OTOGL: variants seen among roughly 807,000 people sequenced by gnomAD.
OTOGL encodes otogelin like.
Under a neutral mutation model 318.5 loss-of-function variants are expected in OTOGL, and 285 were observed. That is an observed-to-expected ratio of 0.89 (90% CI 0.81 to 0.99). The LOEUF (loss-of-function observed/expected upper bound fraction) is 0.99. Ranked by LOEUF, OTOGL falls within the 50% of genes least tolerant of loss-of-function variation. The probability of loss-of-function intolerance (pLI) is 0.00; values close to 1 mark genes in which losing one functional copy is unlikely to be tolerated. For synonymous variants in OTOGL, 987 were observed against 936.5 expected (o/e 1.05, Z -0.99); for missense variants, 2,899 against 2,845.6 (o/e 1.02, Z -0.43).
At chr12:80,152,731 A>G (rs1172171728) in intron 1 of OTOGL, among the ~76,000 whole-genome samples, 1 of 152,112 alleles carries the variant, frequency 6.6e-6, no homozygotes, top group African/African-American at 2.4e-5. Context: ...CTTTGTCACC[A>G]AGGCTGGAGT....
chr12:80,126,863 C>A (rs1223293085), intron 1 of OTOGL, among the ~76,000 whole-genome samples: 1 of 152,110 alleles, frequency 6.6e-6, no homozygotes, highest in African/African-American at 2.4e-5. Flanking sequence ...AGGATTGCAA[C>A]CCCTGCCTTT....
chr12:80,356,964 A>AG (rs1205560108), intron 49 of OTOGL, 50 bp downstream of exon 49: 3 of 1,217,240 alleles, frequency 2.5e-6, no homozygotes, highest in Non-Finnish European at 2.2e-6. Context: ...GATCTAGGAA[A>AG]AAAATCTCTT....
chr12:80,327,504 C>G (rs577856790), intron 35 of OTOGL, among the ~76,000 whole-genome samples: 43 of 152,248 alleles, frequency 2.8e-4, no homozygotes, highest in African/African-American at 9.6e-4. Context: ...CAACCATGAT[C>G]ATCCCTTCCA....
chr12:80,349,792 A>G (rs1196454332), intron 44 of OTOGL, among the ~76,000 whole-genome samples: 3 of 152,206 alleles, frequency 2.0e-5, no homozygotes, highest in Non-Finnish European at 4.4e-5. Flanking sequence ...CTTCAAAAAT[A>G]TTTAATTTTA....
At chr12:80,122,959 C>G (rs1478024624) in intron 1 of OTOGL, among the ~76,000 whole-genome samples, 1 of 151,338 alleles carries the variant, frequency 6.6e-6, no homozygotes, top group Non-Finnish European at 1.5e-5. Flanking sequence ...AGAGCCTGAA[C>G]CAGGCTCCAG....
rs141325272 is a variant in OTOGL at position 80,191,287 on chromosome 12, A to G, written c.-19-18126A>G. ...ACCCCGTCTCTACTAAAAACACAAA[A>G]ATTAGCCAGGCGCGGGGGTGGGCAG... On this transcript the variant is annotated intron_variant, in intron 1 of 58. Coordinates refer to ENST00000547103, the MANE Select transcript of OTOGL (RefSeq NM_001378609.3). Among the ~76,000 whole-genome samples, 836 of 152,172 alleles carry G rather than the reference A, an allele frequency of 5.5e-3. 10 individuals carry two copies. Among genetic ancestry groups the G allele is most frequent in the African/African-American group, 0.019 (794 of 41,516 alleles).
chr12:80,135,260 C>CTCCCT, intron 1 of OTOGL, among the ~76,000 whole-genome samples: 1 of 112,222 alleles, frequency 8.9e-6, no homozygotes, highest in South Asian at 3.6e-4. Flanking sequence ...CTCCCCTCCC[C>CTCCCT]TCCCCTCCCC....
intron 1 of OTOGL, among the ~76,000 whole-genome samples, chr12:80,195,051 C>T (rs1592535134): frequency 1.3e-5 from 2 of 152,288 alleles, no homozygotes; most frequent in Middle Eastern, 6.8e-3. Context: ...ACCCTCCCTC[C>T]CTCTCTCCCT....
At chr12:80,310,916 C>T (rs1886596004) in intron 30 of OTOGL, among the ~76,000 whole-genome samples, 189 bp downstream of exon 30, 1 of 152,120 alleles carries the variant, frequency 6.6e-6, no homozygotes, top group African/African-American at 2.4e-5. Flanking sequence ...TTTACTTTCT[C>T]CCTTACTACA....
chr12:80,120,455 AG>A (rs1870423223), intron 1 of OTOGL, among the ~76,000 whole-genome samples: 2 of 152,134 alleles, frequency 1.3e-5, no homozygotes, highest in South Asian at 4.1e-4. Flanking sequence ...AACACATAAA[AG>A]ATTTAAACTC....
At chr12:80,234,827 C>T (rs1413298260) in intron 9 of OTOGL, among the ~76,000 whole-genome samples, 2 of 152,178 alleles carry the variant, frequency 1.3e-5, no homozygotes, top group Admixed American at 6.5e-5. Flanking sequence ...TCCAAAAAGT[C>T]AATTTCCTCA....
intron 26 of OTOGL, among the ~76,000 whole-genome samples, chr12:80,289,657 C>T (rs758570548): frequency 6.6e-6 from 1 of 152,180 alleles, no homozygotes; most frequent in African/African-American, 2.4e-5. Flanking sequence ...TGATGTGTTC[C>T]GCCCAGTCCA....
intron 1 of OTOGL, among the ~76,000 whole-genome samples, chr12:80,126,672 T>C (rs1870861451): frequency 1.3e-5 from 2 of 152,178 alleles, no homozygotes; most frequent in Admixed American, 6.5e-5. Context: ...TGTGTGGGAG[T>C]CTAAGCCTCT....
intron 13 of OTOGL, 64 bp from the exon 14 acceptor site, chr12:80,253,402 T>C: frequency 7.0e-7 from 1 of 1,429,824 alleles, no homozygotes; most frequent in Non-Finnish European, 9.8e-7. Flanking sequence ...TGAATTATTA[T>C]ATTCCAGAAA....
chr12:80,370,850 A>G (rs1890838580), intron 56 of OTOGL, 161 bp downstream of exon 56: 1 of 522,550 alleles, frequency 1.9e-6, no homozygotes, highest in African/African-American at 2.0e-5. Flanking sequence ...CCCATTTGAA[A>G]TTTTGAGTTA....
intron 24 of OTOGL, 132 bp from the exon 25 acceptor site, chr12:80,278,036 A>T: frequency 1.5e-6 from 1 of 650,128 alleles, no homozygotes; most frequent in Non-Finnish European, 2.6e-6. Context: ...TCATCTCCTC[A>T]GTAGGTTAGA....
intron 1 of OTOGL, among the ~76,000 whole-genome samples, chr12:80,165,163 G>T (rs952332094): frequency 2.0e-5 from 3 of 152,136 alleles, no homozygotes; most frequent in African/African-American, 7.2e-5. Context: ...GATATTTCTT[G>T]TCTTATGTCT....
rs747161728 is a variant in OTOGL at position 80,335,991 on chromosome 12, G to A, written c.4451G>A (p.Cys1484Tyr). 6.3e-7 allele frequency: 1 copy of A among 1,588,566 alleles called. No homozygotes were observed. The highest frequency in any genetic ancestry group is 1.7e-5 in the Admixed American group (1 of 58,284). ...CAGAAATTTGATCCTGTTTATGATT[G>A]TAGCCAATACATATGCCTTAATATG... ...EPQKFDPVYD[C>Y]SQYICLNMEW... The change falls in exon 39 of 59, where the codon TGT becomes TAT. Residue 1484 changes from cysteine (C) to tyrosine (Y), a missense_variant. By Grantham distance (194) the Cys-to-Tyr change is radical. Around this residue, in one of 3 missense-constraint regions of OTOGL, gnomAD observed 2,607 missense variants for 2,524.9 expected, o/e 1.03. Transcript: ENST00000547103.
At chr12:80,337,403 A>G (rs552352983) in intron 42 of OTOGL, among the ~76,000 whole-genome samples, 6 of 152,250 alleles carry the variant, frequency 3.9e-5, no homozygotes, top group African/African-American at 1.4e-4. Context: ...TAAGAGAAGA[A>G]CAGATAGAAG....
Sources: gnomAD v4.1 joint callset for allele counts (sites outside exome capture counted in the v4.1 genomes callset) on GRCh38, gnomAD v4.1.1 for gene constraint, gnomAD v4.1.1 regional missense constraint, MANE v1.5 for transcripts, NCBI Gene and HGNC (gene_info 2026-07-23, HGNC 2026-07-21) for gene names.